Variants in ACP3 observed in about 807,000 individuals in gnomAD.
ACP3 encodes acid phosphatase 3, also known as prostatic acid phosphatase.
In ACP3, 38 loss-of-function variants were observed where a neutral mutation model predicts 45.6. That is an observed-to-expected ratio of 0.83 (90% confidence interval 0.64 to 1.09). The LOEUF is 1.09. Among genes scored for constraint, ACP3 ranks in the 50% least tolerant of loss-of-function variants. The pLI is 0.00. For missense variants in ACP3, 466 were observed against 463.2 expected (o/e 1.01, Z -0.05); for synonymous variants, 162 against 164.7 (o/e 0.98, Z 0.13).
chr3:132,347,249 G>T (rs1937620385), intron 7 of ACP3, among the ~76,000 whole-genome samples: 1 of 152,200 alleles, frequency 6.6e-6, no homozygotes, highest in Non-Finnish European at 1.5e-5. Flanking sequence ...AATTTCTCCT[G>T]TGTGGTTCTG....
chr3:132,345,201 G>A, intron 7 of ACP3, 142 bp downstream of exon 7: 1 of 701,438 alleles, frequency 1.4e-6, no homozygotes, highest in Non-Finnish European at 2.3e-6. Context: ...TGCAAAATGG[G>A]GATATTAATG....
At chr3:132,345,140 C>T (rs1937595403) in intron 7 of ACP3, 81 bp downstream of exon 7, 8 of 1,302,948 alleles carry the variant, frequency 6.1e-6, no homozygotes, top group South Asian at 1.3e-5. Flanking sequence ...CACTAATCAA[C>T]TGTGTGATCT....
chr3:132,359,364 C>T (rs1175464143), downstream of ACP3, among the ~76,000 whole-genome samples: 4 of 152,122 alleles, frequency 2.6e-5, no homozygotes, highest in South Asian at 2.1e-4. Flanking sequence ...TACAAAAAGC[C>T]GGGCATGGTG....
At chr3:132,324,020 C>T (rs934557128) in intron 1 of ACP3, among the ~76,000 whole-genome samples, 2 of 152,164 alleles carry the variant, frequency 1.3e-5, no homozygotes, top group African/African-American at 4.8e-5. Context: ...GAGTTCGAGA[C>T]CAGCCTGGCC....
chr3:132,319,818 T>C (rs1322938913), intron 1 of ACP3, among the ~76,000 whole-genome samples: 1 of 152,196 alleles, frequency 6.6e-6, no homozygotes, highest in East Asian at 1.9e-4. Flanking sequence ...ATGGAGCTAG[T>C]CTGAGATCCC....
In ACP3 at chr3:132,331,653, A is replaced by T. The variant is rs1156483240; in HGVS notation, c.223A>T (p.Met75Leu). The T allele has an allele frequency of 1.9e-6, 3 of 1,594,594 alleles. No individual in the cohort carries two copies. The highest frequency in any genetic ancestry group is 2.7e-5 in the African/African-American group (2 of 73,638). The change falls in exon 3 of 10, where the codon ATG becomes TTG. Residue 75 changes from methionine to leucine, a missense_variant. Transcript: ENST00000336375. ...TTTTATTTTTTTCCCATAGCTGGGCATGGAGCAGCATTATGAACTTGGAGA... is the reference window on the plus strand; with the variant it reads ...TTTTATTTTTTTCCCATAGCTGGGCTTGGAGCAGCATTATGAACTTGGAGA... The part of the protein sequence containing the change: ...QGFGQLTQLG[M>L]EQHYELGEYI...
chr3:132,340,209 GGAGGCT>G (rs1279398466), intron 5 of ACP3, among the ~76,000 whole-genome samples: 1 of 151,880 alleles, frequency 6.6e-6, no homozygotes, highest in East Asian at 1.9e-4. Context: ...CAGCTACTCA[GGAGGCT>G]GAGGCAAGAG....
In ACP3 at chr3:132,328,254, C is replaced by T; in HGVS notation, c.121-13C>T. 3 of 1,608,606 alleles carry T rather than the reference C, an allele frequency of 1.9e-6. No homozygotes were observed. The highest frequency in any genetic ancestry group is 2.6e-6 in the Non-Finnish European group (3 of 1,175,390). The stretch of plus-strand genomic sequence containing the variant: ...TGACGTTTGTAACATCACTCTCTCA[C>T]ATCTACTTTCAGGTGTTTCGGCATG... On this transcript the variant is annotated splice_polypyrimidine_tract_variant and intron_variant, in intron 1 of 9. Transcript: ENST00000336375.
intron 5 of ACP3, among the ~76,000 whole-genome samples, chr3:132,341,042 G>A (rs1937547649): frequency 6.6e-6 from 1 of 151,832 alleles, no homozygotes; most frequent in Non-Finnish European, 1.5e-5. Flanking sequence ...ATTATTTTAG[G>A]GTTTTCTTCA....
intron 8 of ACP3, among the ~76,000 whole-genome samples, chr3:132,352,290 C>T (rs148270413): frequency 0.025 from 3,839 of 151,858 alleles, 65 homozygotes; most frequent in Non-Finnish European, 0.041. Flanking sequence ...CTCTGCCTCC[C>T]GGGTTCAAGC....
rs752360156 is a variant in ACP3 at position 132,356,883 on chromosome 3, C to T, written c.*5C>T. On this transcript the variant is annotated 3_prime_UTR_variant, in exon 10 of 10. Coordinates refer to ENST00000336375, the MANE Select transcript of ACP3 (RefSeq NM_001099.5). ...ACTGAAGACAGTACAGATTAGTGTG[C>T]ACAGAGATCTCTGTAGAAGGAGTAG... 1.9e-6 allele frequency: 3 copies of T among 1,605,452 alleles called. No homozygotes were observed. The highest frequency in any genetic ancestry group is 2.6e-6 in the Non-Finnish European group (3 of 1,174,142).
At chr3:132,342,471 C>A in intron 5 of ACP3, 81 bp from the exon 6 acceptor site, 1 of 1,010,952 alleles carries the variant, frequency 9.9e-7, no homozygotes, top group Non-Finnish European at 1.5e-6. Flanking sequence ...CTACAACAAA[C>A]AATTGTCTGG....
chr3:132,365,976 C>T (rs943015074), intron 10 of ACP3, among the ~76,000 whole-genome samples: 13 of 148,408 alleles, frequency 8.8e-5, no homozygotes, highest in Non-Finnish European at 1.5e-4. Context: ...GGCAACACAG[C>T]AAGACTCCAT....
At chr3:132,363,539 G>A (rs937124311), downstream of ACP3, among the ~76,000 whole-genome samples, 25 of 152,100 alleles carry the variant, frequency 1.6e-4, no homozygotes, top group African/African-American at 4.3e-4. Flanking sequence ...CCACAATTGC[G>A]GTTCTAAGCC....
chr3:132,323,710 A>AT (rs1247365319), intron 1 of ACP3, among the ~76,000 whole-genome samples: 5 of 152,232 alleles, frequency 3.3e-5, no homozygotes, highest in African/African-American at 1.2e-4. Context: ...AGGAGGGCCC[A>AT]TGTGGGTAAG....
At chr3:132,366,808 A>ATT (rs1938139051) in intron 10 of ACP3, among the ~76,000 whole-genome samples, 1 of 152,144 alleles carries the variant, frequency 6.6e-6, no homozygotes, top group African/African-American at 2.4e-5. Flanking sequence ...TCCCAACCCC[A>ATT]ATACAATTAT....
chr3:132,349,896 G>C lies in ACP3; in HGVS notation c.782-24G>C, dbSNP rs760187321. 6.5e-6 allele frequency: 10 copies of C among 1,537,726 alleles called. No individual in the cohort carries two copies. In the South Asian group the frequency reaches 1.1e-4, roughly 17 times the overall value. On this transcript the variant is annotated intron_variant, in intron 7 of 9. Coordinates refer to ENST00000336375, the MANE Select transcript of ACP3 (RefSeq NM_001099.5). Reference sequence around the variant, plus strand: ...TAGAAGCTTATGTTTGGTTCAGTTTGGTTATTGATTCATCTTCTTTAAGGT... The same window carrying C: ...TAGAAGCTTATGTTTGGTTCAGTTTCGTTATTGATTCATCTTCTTTAAGGT...
At chr3:132,328,542 G>A (rs1328950013) in intron 2 of ACP3, among the ~76,000 whole-genome samples, 180 bp downstream of exon 2, 2 of 152,096 alleles carry the variant, frequency 1.3e-5, no homozygotes, top group Non-Finnish European at 2.9e-5. Flanking sequence ...AGCCAGGATT[G>A]GTGGTGGGCA....
intron 3 of ACP3, 97 bp downstream of exon 3, chr3:132,331,830 A>G (rs1559831316): frequency 3.6e-6 from 4 of 1,112,644 alleles, no homozygotes; most frequent in Non-Finnish European, 5.2e-6. Context: ...CAAGGAACTT[A>G]TACAAGTCAG....
Sources: gnomAD v4.1 joint callset for allele counts (sites outside exome capture counted in the v4.1 genomes callset) on GRCh38, gnomAD v4.1.1 for gene constraint, MANE v1.5 for transcripts, NCBI Gene and HGNC (gene_info 2026-07-23, HGNC 2026-07-21) for gene names.